KCNQ5: variants seen among roughly 807,000 people sequenced by gnomAD.
The protein encoded by KCNQ5 is potassium voltage-gated channel subfamily Q member 5.
Under a neutral mutation model 98.2 loss-of-function variants are expected in KCNQ5, and 30 were observed. The observed-to-expected ratio is 0.31, with a 90% confidence interval of 0.23 to 0.41. The LOEUF (loss-of-function observed/expected upper bound fraction) is 0.41. Ranked by LOEUF, KCNQ5 falls within the 10% of genes least tolerant of loss-of-function variation. The pLI is 1.00. For missense variants in KCNQ5, 835 were observed against 1,182.5 expected, an observed-to-expected ratio of 0.71 and a Z score of 4.31; for synonymous variants, 458 against 449.4, an observed-to-expected ratio of 1.02 and a Z score of -0.24.
chr6:72,751,416 T>A (rs969997927), intron 1 of KCNQ5, among the ~76,000 whole-genome samples: 1 of 151,956 alleles, frequency 6.6e-6, no homozygotes, highest in African/African-American at 2.4e-5. Flanking sequence ...AGTCTTTAGA[T>A]CACGAGGGAC....
intron 1 of KCNQ5, among the ~76,000 whole-genome samples, chr6:72,820,530 G>A (rs1775704381): frequency 6.7e-6 from 1 of 150,038 alleles, no homozygotes; most frequent in Non-Finnish European, 1.5e-5. Context: ...GTTTATCTAC[G>A]AATTCCAAAA....
chr6:72,808,771 A>G (rs1428678443), intron 1 of KCNQ5, among the ~76,000 whole-genome samples: 2 of 151,808 alleles, frequency 1.3e-5, no homozygotes, highest in Non-Finnish European at 2.9e-5. Context: ...ACATAGTGAA[A>G]CCCAGTCTCT....
In KCNQ5 at chr6:73,160,029, T is replaced by G. The variant is rs546935959; in HGVS notation, c.1469-9717T>G. On this transcript the variant is annotated intron_variant, in intron 10 of 13. Coordinates refer to ENST00000370398, the MANE Select transcript of KCNQ5 (RefSeq NM_019842.4). ...TGTTTGTTTGTTTGTTTGTTTGTTT[T>G]TTGAGACAGAGTCTCGCTCTGTCGC... Among the ~76,000 whole-genome samples the G allele has an allele frequency of 2.9e-4, 43 of 149,750 alleles. 1 individual carries two copies. In the South Asian group the frequency reaches 8.8e-3, roughly 31 times the overall value.
intron 1 of KCNQ5, among the ~76,000 whole-genome samples, chr6:72,644,783 CCTT>C (rs1308003122): frequency 6.6e-6 from 1 of 152,082 alleles, no homozygotes; most frequent in Non-Finnish European, 1.5e-5. Flanking sequence ...TCTGTCTCCT[CCTT>C]TTCTCCCACC....
chr6:72,712,276 G>C (rs528981145), intron 1 of KCNQ5, among the ~76,000 whole-genome samples: 1 of 152,130 alleles, frequency 6.6e-6, no homozygotes, highest in Admixed American at 6.6e-5. Flanking sequence ...CAAAGAAATA[G>C]CAAAGGAATT....
chr6:72,665,993 A>G (rs1033459957), intron 1 of KCNQ5, among the ~76,000 whole-genome samples: 1 of 152,194 alleles, frequency 6.6e-6, no homozygotes, highest in Non-Finnish European at 1.5e-5. Flanking sequence ...TCATGACCTC[A>G]TATTTGTTTC....
chr6:72,781,642 A>C (rs1425112046), intron 1 of KCNQ5, among the ~76,000 whole-genome samples: 1 of 152,184 alleles, frequency 6.6e-6, no homozygotes, highest in East Asian at 1.9e-4. Context: ...GTTGCTGCCC[A>C]TACTCAAGTA....
intron 3 of KCNQ5, among the ~76,000 whole-genome samples, chr6:73,059,221 A>G (rs2150373754): frequency 6.6e-6 from 1 of 152,360 alleles, no homozygotes; most frequent in East Asian, 1.9e-4. Flanking sequence ...CACCATAAAT[A>G]CTACACAGCC....
At chr6:72,722,257 C>T (rs1770009097) in intron 1 of KCNQ5, among the ~76,000 whole-genome samples, 1 of 152,190 alleles carries the variant, frequency 6.6e-6, no homozygotes, top group Admixed American at 6.5e-5. Flanking sequence ...TGTCCCTTTG[C>T]TCCACTCTGT....
chr6:73,074,634 T>A (rs1226597626), intron 3 of KCNQ5, among the ~76,000 whole-genome samples: 1 of 152,124 alleles, frequency 6.6e-6, no homozygotes, highest in African/African-American at 2.4e-5. Context: ...GATAGCTGAG[T>A]TTTTTTAAAA....
At chr6:72,724,936 A>G (rs1934267514) in intron 1 of KCNQ5, among the ~76,000 whole-genome samples, 1 of 152,234 alleles carries the variant, frequency 6.6e-6, no homozygotes, top group Admixed American at 6.5e-5. Flanking sequence ...TTACTTCATA[A>G]CATGGTTGCA....
chr6:73,165,233 G>T (rs979241811), intron 10 of KCNQ5, among the ~76,000 whole-genome samples: 1 of 152,020 alleles, frequency 6.6e-6, no homozygotes, highest in Admixed American at 6.5e-5. Context: ...CAATCCTCCT[G>T]CCCCAGCCTC....
chr6:72,781,632 G>C (rs1475728833), intron 1 of KCNQ5, among the ~76,000 whole-genome samples: 1 of 152,062 alleles, frequency 6.6e-6, no homozygotes, highest in Non-Finnish European at 1.5e-5. Flanking sequence ...TCATGTTGAT[G>C]TTGCTGCCCA....
At chr6:72,819,366 G>A (rs996355301) in intron 1 of KCNQ5, among the ~76,000 whole-genome samples, 14 of 151,822 alleles carry the variant, frequency 9.2e-5, no homozygotes, top group African/African-American at 1.9e-4. Flanking sequence ...AACTATAGTC[G>A]CCCAGCAATA....
intron 1 of KCNQ5, among the ~76,000 whole-genome samples, chr6:72,755,259 G>T (rs1018116422): frequency 1.3e-5 from 2 of 151,818 alleles, no homozygotes; most frequent in Non-Finnish European, 2.9e-5. Flanking sequence ...CATATAAAGT[G>T]CATTTATTTA....
chr6:72,713,409 A>G (rs960977014), intron 1 of KCNQ5, among the ~76,000 whole-genome samples: 2 of 152,150 alleles, frequency 1.3e-5, no homozygotes, highest in Non-Finnish European at 1.5e-5. Flanking sequence ...AAAATTTTCT[A>G]CCTTCATCAG....
At chr6:72,992,917 G>A (rs1430934827) in intron 1 of KCNQ5, among the ~76,000 whole-genome samples, 1 of 25,688 alleles carries the variant, frequency 3.9e-5, no homozygotes, top group Non-Finnish European at 6.3e-5. Flanking sequence ...CTTCACTTAT[G>A]AAGCTTAGTT....
chr6:72,816,491 GA>G (rs1274375521), intron 1 of KCNQ5, among the ~76,000 whole-genome samples: 1 of 152,196 alleles, frequency 6.6e-6, no homozygotes, highest in African/African-American at 2.4e-5. Flanking sequence ...GCTATAAACT[GA>G]AAGAGAGTTT....
intron 1 of KCNQ5, among the ~76,000 whole-genome samples, chr6:72,709,398 A>T (rs887171403): frequency 6.6e-6 from 1 of 152,194 alleles, no homozygotes. Flanking sequence ...TGGAGAGGAA[A>T]TATTTCTAGA....
Sources: gnomAD v4.1 joint callset for allele counts (sites outside exome capture counted in the v4.1 genomes callset) on GRCh38, gnomAD v4.1.1 for gene constraint, MANE v1.5 for transcripts, NCBI Gene and HGNC (gene_info 2026-07-23, HGNC 2026-07-21) for gene names.